The following CHCHD3 variants were observed in gnomAD, a reference collection of about 807,000 sequenced individuals.
The protein encoded by CHCHD3 is coiled-coil-helix-coiled-coil-helix domain containing 3, also known as MICOS complex subunit MIC19.
CHCHD3 carries 20 observed loss-of-function variants against 38.2 expected under a neutral mutation model. The ratio of observed to expected loss-of-function variants is 0.52; its 90% CI spans 0.37 to 0.76. CHCHD3 has a LOEUF of 0.76. CHCHD3 is among the 30% of genes least tolerant of loss of function. CHCHD3 has a pLI of 0.00. For synonymous variants in CHCHD3, 82 were observed against 100.0 expected (o/e 0.82, Z 1.07); for missense variants, 245 against 279.2 (o/e 0.88, Z 0.87).
At chr7:133,007,539 C>T (rs35598556) in intron 3 of CHCHD3, among the ~76,000 whole-genome samples, 19,578 of 152,170 alleles carry the variant, frequency 0.13, 1,398 homozygotes, top group Middle Eastern at 0.15. Flanking sequence ...TGGCCCCGCA[C>T]CAGCAGTGTG....
intron 3 of CHCHD3, among the ~76,000 whole-genome samples, chr7:132,996,821 C>T (rs534561318): frequency 2.6e-5 from 4 of 152,234 alleles, no homozygotes; most frequent in South Asian, 2.1e-4. Flanking sequence ...AGAAAAACAC[C>T]GTGGGGTGGG....
intron 5 of CHCHD3, among the ~76,000 whole-genome samples, chr7:132,859,023 G>T (rs1335050737): frequency 1.3e-5 from 2 of 152,030 alleles, no homozygotes; most frequent in Non-Finnish European, 2.9e-5. Context: ...GAGCTCCAGA[G>T]GTAATATGCT....
intron 7 of CHCHD3, among the ~76,000 whole-genome samples, chr7:132,790,706 T>C (rs1232379932): frequency 6.6e-6 from 1 of 152,154 alleles, no homozygotes; most frequent in Non-Finnish European, 1.5e-5. Flanking sequence ...AAGTTAACCT[T>C]CTTGATTATC....
At chr7:133,064,514 T>C (rs1814612756) in intron 2 of CHCHD3, among the ~76,000 whole-genome samples, 1 of 152,202 alleles carries the variant, frequency 6.6e-6, no homozygotes, top group South Asian at 2.1e-4. Flanking sequence ...TATGTCTAAA[T>C]GAGCCTTAAA....
chr7:133,011,961 G>A (rs1396037453), intron 3 of CHCHD3, among the ~76,000 whole-genome samples: 1 of 152,092 alleles, frequency 6.6e-6, no homozygotes, highest in Non-Finnish European at 1.5e-5. Context: ...GTATTGCTCT[G>A]CCACCCAGGC....
chr7:132,991,172 T>C (rs570463618), intron 3 of CHCHD3, among the ~76,000 whole-genome samples: 2 of 152,336 alleles, frequency 1.3e-5, no homozygotes, highest in East Asian at 1.9e-4. Context: ...GCTAATTTGA[T>C]TGATGCATAA....
At chr7:132,920,139 G>A (rs4731920) in intron 4 of CHCHD3, among the ~76,000 whole-genome samples, 35,067 of 152,072 alleles carry the variant, frequency 0.23, 5,021 homozygotes, top group East Asian at 0.36. Flanking sequence ...AACAAGAATT[G>A]TCACTCTAAT....
At chr7:133,062,652 CTGTCAT>C (rs965848820) in intron 2 of CHCHD3, among the ~76,000 whole-genome samples, 5 of 152,148 alleles carry the variant, frequency 3.3e-5, no homozygotes, top group Admixed American at 3.3e-4. Flanking sequence ...TTTTTCTCTG[CTGTCAT>C]TGAAATTACT....
rs1265253646 is a variant in CHCHD3 at position 132,905,468 on chromosome 7, G to C, written c.370-19723C>G. Among the ~76,000 whole-genome samples the C allele has an allele frequency of 5.3e-5, 8 of 152,168 alleles. No individual in the cohort carries two copies. In the East Asian group the frequency reaches 1.5e-3, roughly 29 times the overall value. On this transcript the variant is annotated intron_variant, in intron 4 of 7. Transcript: ENST00000262570. ...TGCTGGGGGGCTGTCGGGAGGGAGAGCATCAGGAATACTAGCTAATGGATG... is the reference window on the plus strand; with the variant it reads ...TGCTGGGGGGCTGTCGGGAGGGAGACCATCAGGAATACTAGCTAATGGATG...
chr7:132,841,440 A>C (rs1807937664), intron 5 of CHCHD3, among the ~76,000 whole-genome samples: 2 of 150,506 alleles, frequency 1.3e-5, no homozygotes, highest in Non-Finnish European at 3.0e-5. Context: ...AAAAAAAAAA[A>C]ACAACCAACC....
Position 132,990,181 on chromosome 7 carries a change from A to G in CHCHD3, c.252-14895T>C, listed in dbSNP as rs141883194. On this transcript the variant is annotated intron_variant, in intron 3 of 7. Transcript: ENST00000262570. Reference sequence around the variant, plus strand: ...AGAGCGAAACTCCATCTCAAAAAATAAATAAATAAATAACCTGTTTTACAG... The same window carrying G: ...AGAGCGAAACTCCATCTCAAAAAATGAATAAATAAATAACCTGTTTTACAG... 9.3e-4 allele frequency among the ~76,000 whole-genome samples: 141 copies of G among 152,302 alleles called. 1 individual carries two copies. The highest frequency in any genetic ancestry group is 3.3e-3 in the African/African-American group (138 of 41,558).
intron 4 of CHCHD3, among the ~76,000 whole-genome samples, chr7:132,959,070 T>C (rs1811248132): frequency 6.6e-6 from 1 of 152,214 alleles, no homozygotes; most frequent in Non-Finnish European, 1.5e-5. Context: ...ATTAAGAATT[T>C]CAGGCCAAAT....
At chr7:132,866,020 CT>C (rs1808616277) in intron 5 of CHCHD3, among the ~76,000 whole-genome samples, 1 of 152,178 alleles carries the variant, frequency 6.6e-6, no homozygotes, top group Non-Finnish European at 1.5e-5. Flanking sequence ...ACCCCTCATT[CT>C]TTCGGCCTGT....
chr7:132,912,787 T>C (rs1440923177), intron 4 of CHCHD3, among the ~76,000 whole-genome samples: 1 of 152,198 alleles, frequency 6.6e-6, no homozygotes, highest in African/African-American at 2.4e-5. Context: ...ACTCCCAGCC[T>C]CAAGTGATCC....
chr7:132,975,014 T>G lies in CHCHD3; in HGVS notation c.369+155A>C, dbSNP rs114025739. 2.6e-3 allele frequency: 1,544 copies of G among 603,664 alleles called. 18 individuals are homozygous for G. The highest frequency in any genetic ancestry group is 0.024 in the African/African-American group (1,319 of 54,792). 37.4% of individuals were successfully genotyped at this position (603,664 alleles called of 1,614,324 possible). A position where few individuals can be genotyped will look rare whatever the true frequency, so the allele number is the denominator to read the frequency against. On this transcript the variant is annotated intron_variant, in intron 4 of 7. Transcript: ENST00000262570. ...GTCCTTGATGGTTAAACCTAAACTG[T>G]AAGCTACTTATAAAAGGCAAAAATC... is the stretch of plus-strand genomic sequence containing the variant.
intron 6 of CHCHD3, among the ~76,000 whole-genome samples, chr7:132,836,622 C>T (rs894828946): frequency 1.3e-5 from 2 of 151,962 alleles, no homozygotes; most frequent in Non-Finnish European, 2.9e-5. Flanking sequence ...CAGTATATGC[C>T]CCTACAACTG....
intron 4 of CHCHD3, among the ~76,000 whole-genome samples, chr7:132,902,213 G>A (rs530020477): frequency 2.0e-5 from 3 of 152,324 alleles, no homozygotes; most frequent in South Asian, 4.1e-4. Context: ...CTTTTACACT[G>A]TTGGTGGGAC....
chr7:133,077,142 T>C (rs1005961069), intron 1 of CHCHD3, among the ~76,000 whole-genome samples: 1 of 152,182 alleles, frequency 6.6e-6, no homozygotes, highest in African/African-American at 2.4e-5. Context: ...TATGTCTGTG[T>C]TTCTTTACAT....
chr7:132,979,776 A>C (rs2117341755), intron 3 of CHCHD3, among the ~76,000 whole-genome samples: 1 of 152,346 alleles, frequency 6.6e-6, no homozygotes, highest in South Asian at 2.1e-4. Flanking sequence ...CAGTGCCCAA[A>C]GATGAGAAGC....
Sources: gnomAD v4.1 joint callset for allele counts (sites outside exome capture counted in the v4.1 genomes callset) on GRCh38, gnomAD v4.1.1 for gene constraint, MANE v1.5 for transcripts, NCBI Gene and HGNC (gene_info 2026-07-23, HGNC 2026-07-21) for gene names.